Variants in PLPPR4 observed in about 807,000 individuals in gnomAD.
PLPPR4 encodes the protein phospholipid phosphatase-related protein type 4.
In PLPPR4, 24 loss-of-function variants were observed where a neutral mutation model predicts 56.6. The observed-to-expected ratio is 0.42, with a 90% CI of 0.31 to 0.60. The LOEUF (loss-of-function observed/expected upper bound fraction) is 0.60. Ranked by LOEUF, PLPPR4 falls within the 20% of genes least tolerant of loss-of-function variation. PLPPR4 has a pLI of 0.13. For missense variants in PLPPR4, 654 were observed against 885.8 expected (o/e 0.74, Z 3.32); for synonymous variants, 326 against 328.1 (o/e 0.99, Z 0.07).
intron 1 of PLPPR4, among the ~76,000 whole-genome samples, chr1:99,265,438 T>A (rs1288189347): frequency 6.6e-6 from 1 of 152,148 alleles, no homozygotes; most frequent in Non-Finnish European, 1.5e-5. Context: ...AATGCAGTAT[T>A]TGAGGGAGAA....
intron 1 of PLPPR4, among the ~76,000 whole-genome samples, chr1:99,264,900 C>T (rs1361188589): frequency 1.3e-5 from 2 of 152,144 alleles, no homozygotes; most frequent in Non-Finnish European, 2.9e-5. Flanking sequence ...TGCTGGGTGG[C>T]CTGCAGGGAA....
chr1:99,298,500 G>A (rs541093560), intron 3 of PLPPR4, among the ~76,000 whole-genome samples: 2 of 152,164 alleles, frequency 1.3e-5, no homozygotes, highest in South Asian at 4.2e-4. Flanking sequence ...CGTGTACCTA[G>A]GATACGATTG....
intron 1 of PLPPR4, among the ~76,000 whole-genome samples, chr1:99,271,943 T>TGTGTGA (rs140869914): frequency 0.12 from 15,321 of 126,782 alleles, 1,322 homozygotes; most frequent in South Asian, 0.18. Context: ...TGTGTGTGTG[T>TGTGTGA]GATGGAGATC....
At chr1:99,265,227 T>A (rs1658865640) in intron 1 of PLPPR4, among the ~76,000 whole-genome samples, 1 of 148,990 alleles carries the variant, frequency 6.7e-6, no homozygotes. Flanking sequence ...TCTCTAAACA[T>A]CAATCATCAA....
In PLPPR4 at chr1:99,270,216, GGATTTC is replaced by G. The variant is rs1202393880; in HGVS notation, c.78+5546_78+5551del. The stretch of plus-strand genomic sequence containing the variant: ...GTATTTATAATTTTTAGTAGAGACA[GGATTTC>G]ACCATGTTGCCCAAGCTGGTCTCGA... On this transcript the variant is annotated intron_variant, in intron 1 of 6. Coordinates refer to ENST00000370185, the MANE Select transcript of PLPPR4 (RefSeq NM_014839.5). 5.3e-5 allele frequency among the ~76,000 whole-genome samples: 8 copies of G among 152,162 alleles called. No homozygotes were observed. In the East Asian group the frequency reaches 1.5e-3, roughly 29 times the overall value.
At chr1:99,267,411 C>T (rs1438739749) in intron 1 of PLPPR4, among the ~76,000 whole-genome samples, 10 of 152,224 alleles carry the variant, frequency 6.6e-5, no homozygotes, top group Admixed American at 2.0e-4. Flanking sequence ...GTTCAAACAC[C>T]GCCTTTGCCA....
chr1:99,299,782 T>A (rs992227236), intron 4 of PLPPR4, among the ~76,000 whole-genome samples: 6 of 151,904 alleles, frequency 3.9e-5, no homozygotes, highest in Admixed American at 3.3e-4. Flanking sequence ...CGGGTGTGCA[T>A]AGCTTCTGGC....
rs908616131 is a variant in PLPPR4, at chr1:99,284,652, AAT to A, written c.79-3304_79-3303del. 2.0e-5 allele frequency among the ~76,000 whole-genome samples: 3 copies of A among 151,838 alleles called. No individual in the cohort carries two copies. In the East Asian group the frequency reaches 5.8e-4, roughly 29 times the overall value. ...CTTCTATAGAAATATAGAAGATATT[AAT>A]ATATATATGGAAAATTATATAATTA... On this transcript the variant is annotated intron_variant, in intron 1 of 6. Transcript: ENST00000370185.
Position 99,306,766 on chromosome 1 carries a change from G to T in PLPPR4, c.1904G>T (p.Gly635Val). ...TCTCTGAAAGACAGCTTTGGTTCTG[G>T]AGATCGCAAGAGAAGCAACATTGAT... ...CESLKDSFGS[G>V]DRKRSNIDSN... The change falls in exon 7 of 7, where the codon GGA becomes GTA. Residue 635 changes from glycine to valine, a missense_variant. Coordinates refer to ENST00000370185, the MANE Select transcript of PLPPR4 (RefSeq NM_014839.5). The surrounding 1 kb of genome is among the most constrained non-coding windows in gnomAD (Gnocchi z 4.0). The T allele has an allele frequency of 6.2e-7, 1 of 1,614,046 alleles. No homozygotes were observed. Among genetic ancestry groups the T allele is most frequent in the Non-Finnish European group, 8.5e-7 (1 of 1,179,992 alleles).
chr1:99,297,297 C>T (rs1659768406), intron 3 of PLPPR4, among the ~76,000 whole-genome samples: 3 of 152,150 alleles, frequency 2.0e-5, no homozygotes, highest in Admixed American at 2.0e-4. Context: ...GAAGTTACTA[C>T]ACTTTGAAAT....
intron 6 of PLPPR4, among the ~76,000 whole-genome samples, chr1:99,302,795 G>A (rs1659919028): frequency 6.6e-6 from 1 of 150,440 alleles, no homozygotes; most frequent in South Asian, 2.1e-4. Context: ...ATAGTTTACT[G>A]AGAATGATGA....
chr1:99,294,421 C>T (rs1236484679), intron 2 of PLPPR4, among the ~76,000 whole-genome samples: 1 of 146,146 alleles, frequency 6.8e-6, no homozygotes, highest in African/African-American at 2.5e-5. Flanking sequence ...CTTGGCCGGG[C>T]GCGATGGCTC....
chr1:99,300,697 C>G (rs819915), intron 4 of PLPPR4, among the ~76,000 whole-genome samples: 77,616 of 151,872 alleles, frequency 0.51, 20,273 homozygotes, highest in East Asian at 0.62. Context: ...ATACTGGAAA[C>G]TACATCACTA....
intron 1 of PLPPR4, among the ~76,000 whole-genome samples, chr1:99,286,480 G>A (rs1301205735): frequency 6.6e-6 from 1 of 152,064 alleles, no homozygotes; most frequent in East Asian, 1.9e-4. Flanking sequence ...AAATAAATAA[G>A]TGAAGTATTA....
At chr1:99,269,332 G>C (rs1284942144) in intron 1 of PLPPR4, among the ~76,000 whole-genome samples, 2 of 152,232 alleles carry the variant, frequency 1.3e-5, no homozygotes, top group Admixed American at 1.3e-4. Context: ...TCACTGATGG[G>C]CATTTAGGTT....
chr1:99,296,916 G>A, intron 3 of PLPPR4, 49 bp downstream of exon 3: 1 of 1,449,030 alleles, frequency 6.9e-7, no homozygotes, highest in Middle Eastern at 1.9e-4. Context: ...TTTTTATATT[G>A]AAATGTTATA....
chr1:99,302,714 T>A (rs1177187158), intron 6 of PLPPR4, among the ~76,000 whole-genome samples: 1 of 135,328 alleles, frequency 7.4e-6, no homozygotes, highest in Non-Finnish European at 1.5e-5. Context: ...CCTTCCTGTG[T>A]CCATGTGTTC....
chr1:99,291,770 C>T (rs1659626625), intron 2 of PLPPR4, among the ~76,000 whole-genome samples: 1 of 151,822 alleles, frequency 6.6e-6, no homozygotes, highest in Admixed American at 6.6e-5. Flanking sequence ...CTGGGGCCTA[C>T]CTGAGGGTGG....
intron 6 of PLPPR4, 25 bp from the exon 7 acceptor site, chr1:99,305,660 T>A (rs1660003714): frequency 6.3e-7 from 1 of 1,593,340 alleles, no homozygotes; most frequent in African/African-American, 1.3e-5. Context: ...GTGCATGATA[T>A]TTATTGCTTT....
Sources: gnomAD v4.1 joint callset for allele counts (sites outside exome capture counted in the v4.1 genomes callset) on GRCh38, gnomAD v4.1.1 for gene constraint, Gnocchi (gnomAD v3.1) non-coding constraint, MANE v1.5 for transcripts, NCBI Gene and HGNC (gene_info 2026-07-23, HGNC 2026-07-21) for gene names.